GNAO1: variants seen among roughly 807,000 people sequenced by gnomAD.
GNAO1 encodes the protein guanine nucleotide-binding protein G(o) subunit alpha.
For synonymous variants in GNAO1, 164 were observed against 180.7 expected (o/e 0.91, Z 0.74); for missense variants, 166 against 478.7 (o/e 0.35, Z 6.10).
chr16:56,256,978 G>A (rs927927780), intron 2 of GNAO1, among the ~76,000 whole-genome samples: 2 of 152,130 alleles, frequency 1.3e-5, no homozygotes, highest in South Asian at 2.1e-4. Context: ...TCCCGTGGTG[G>A]GAAAGTTGTT....
chr16:56,215,827 A>G (rs1275393575), intron 2 of GNAO1, among the ~76,000 whole-genome samples: 1 of 152,224 alleles, frequency 6.6e-6, no homozygotes, highest in Non-Finnish European at 1.5e-5. Flanking sequence ...TTTGGTTCAC[A>G]GTGGGTTAAG....
rs1282152893 is a variant in GNAO1 at position 56,298,908 on chromosome 16, C to CTGTCTCAA, written c.303+22837_303+22844dup. Among the ~76,000 whole-genome samples the CTGTCTCAA allele has an allele frequency of 2.7e-3, 388 of 141,174 alleles. 13 individuals are homozygous for CTGTCTCAA. In the East Asian group the frequency reaches 0.07, roughly 26 times the overall value. The allele number at this position is 141,174 out of a possible 152,430, so 92.6% of individuals were successfully genotyped here. A position where few individuals can be genotyped will look rare whatever the true frequency, so the allele number is the denominator to read the frequency against. On this transcript the variant is annotated intron_variant, in intron 3 of 8. Transcript: ENST00000262493. Reference sequence around the variant, plus strand: ...CCAGCCTGGGCGAGAGAGTGAGACTCTGTCTCAAAAAAAAAAAAAAAAGGG... The same window carrying CTGTCTCAA: ...CCAGCCTGGGCGAGAGAGTGAGACTCTGTCTCAATGTCTCAAAAAAAAAAAAAAAAGGG...
At chr16:56,303,059 G>A (rs1390519878) in intron 3 of GNAO1, among the ~76,000 whole-genome samples, 5 of 152,140 alleles carry the variant, frequency 3.3e-5, no homozygotes, top group African/African-American at 4.8e-5. Flanking sequence ...TTCTCTCCCC[G>A]GCCTGAAACG....
chr16:56,355,915 CA>C (rs5817056), intron 8 of GNAO1, 187 bp from the exon 9 acceptor site: 36,695 of 151,886 alleles, frequency 0.24, 5,212 homozygotes, highest in African/African-American at 0.4. Context: ...GTCAGGGTCT[CA>C]GGGGGGGGCC....
chr16:56,192,837 G>A, intron 2 of GNAO1: 1 of 563,930 alleles, frequency 1.8e-6, no homozygotes, highest in Non-Finnish European at 3.2e-6. Context: ...TTTGGGAGGG[G>A]GAAGGGGAGC....
At chr16:56,263,093 G>A (rs1251691229) in intron 2 of GNAO1, among the ~76,000 whole-genome samples, 1 of 152,168 alleles carries the variant, frequency 6.6e-6, no homozygotes, top group African/African-American at 2.4e-5. Flanking sequence ...ATGAGGGAGC[G>A]AGTCTAGTTA....
intron 2 of GNAO1, among the ~76,000 whole-genome samples, chr16:56,220,588 G>A (rs149071756): frequency 1.8e-3 from 267 of 152,278 alleles, no homozygotes; most frequent in Middle Eastern, 0.01. Context: ...AAATGTTTGC[G>A]TATGGGGGTT....
chr16:56,355,910 G>GGTC (rs2037963610), intron 8 of GNAO1, 193 bp from the exon 9 acceptor site: 1 of 141,330 alleles, frequency 7.1e-6, no homozygotes, highest in African/African-American at 2.9e-5. Context: ...CCCGAGTCAG[G>GGTC]GTCTCAGGGG....
chr16:56,210,749 A>C (rs982945021), intron 2 of GNAO1, among the ~76,000 whole-genome samples: 8 of 152,208 alleles, frequency 5.3e-5, no homozygotes, highest in African/African-American at 1.9e-4. Flanking sequence ...GCTTTGGCCC[A>C]CTTTTTAATT....
chr16:56,249,246 G>T (rs937704546), intron 2 of GNAO1, among the ~76,000 whole-genome samples: 2 of 152,186 alleles, frequency 1.3e-5, no homozygotes, highest in African/African-American at 4.8e-5. Flanking sequence ...CATGGAATGG[G>T]GGGGAACAAG....
intron 2 of GNAO1, among the ~76,000 whole-genome samples, chr16:56,252,995 C>A (rs577146686): frequency 6.6e-6 from 1 of 152,362 alleles, no homozygotes; most frequent in East Asian, 1.9e-4. Flanking sequence ...GATGCACTCA[C>A]ATTGCTTGCC....
At chr16:56,286,020 A>G (rs1317242322) in intron 3 of GNAO1, among the ~76,000 whole-genome samples, 1 of 152,182 alleles carries the variant, frequency 6.6e-6, no homozygotes, top group African/African-American at 2.4e-5. Context: ...AGGGACTGAG[A>G]AAGGGTTAGG....
chr16:56,238,615 A>G (rs2036664345), intron 2 of GNAO1, among the ~76,000 whole-genome samples: 1 of 152,256 alleles, frequency 6.6e-6, no homozygotes, highest in South Asian at 2.1e-4. Flanking sequence ...TTCCCCCTCA[A>G]GTCTGCCTGC....
At chr16:56,355,123 C>A in intron 8 of GNAO1, 42 bp downstream of exon 8, 1 of 759,926 alleles carries the variant, frequency 1.3e-6, no homozygotes, top group East Asian at 2.6e-5. Context: ...CGTGCGCGCG[C>A]ATACACACAC....
chr16:56,346,125 C>T, intron 6 of GNAO1: 2 of 985,520 alleles, frequency 2.0e-6, no homozygotes, highest in Non-Finnish European at 2.4e-6. Context: ...TCTTGCACTG[C>T]TCTCAATCCT....
intron 2 of GNAO1, among the ~76,000 whole-genome samples, chr16:56,223,148 C>T (rs2036506081): frequency 6.6e-6 from 1 of 152,228 alleles, no homozygotes; most frequent in South Asian, 2.1e-4. Context: ...TGTCAGCAGG[C>T]TGTGTTCCCT....
chr16:56,316,719 C>T (rs533629531), intron 3 of GNAO1, among the ~76,000 whole-genome samples: 18 of 152,300 alleles, frequency 1.2e-4, no homozygotes, highest in South Asian at 8.3e-4. Context: ...ATGGATCTGA[C>T]GCCCCTAGTG....
At chr16:56,192,781 C>T (rs2036191506) in intron 2 of GNAO1, 165 bp downstream of exon 2, 1 of 618,368 alleles carries the variant, frequency 1.6e-6, no homozygotes, top group South Asian at 1.9e-5. Context: ...CCCCCACTCC[C>T]TACGTTGGTT....
intron 2 of GNAO1, among the ~76,000 whole-genome samples, chr16:56,264,147 GAT>G (rs1222815948): frequency 6.6e-6 from 1 of 152,240 alleles, no homozygotes; most frequent in African/African-American, 2.4e-5. Flanking sequence ...GCCTGAGAAG[GAT>G]TCTTCTGCCC....
Sources: allele counts gnomAD v4.1 joint callset (sites outside exome capture counted in the v4.1 genomes callset), GRCh38; gene constraint gnomAD v4.1.1; transcripts MANE v1.5; gene names NCBI Gene and HGNC (gene_info 2026-07-23, HGNC 2026-07-21).